CCDC192: variants seen among roughly 807,000 people sequenced by gnomAD.
CCDC192 encodes coiled-coil domain containing 192.
rs948949680 is a variant in CCDC192 at position 127,716,896 on chromosome 5, G to C, written c.114+9136G>C. Among the ~76,000 whole-genome samples, 6 of 152,048 alleles carry C rather than the reference G, an allele frequency of 3.9e-5. 1 individual carries two copies. Among genetic ancestry groups the C allele is most frequent in the African/African-American group, 1.4e-4 (6 of 41,400 alleles). On this transcript the variant is annotated intron_variant, in intron 2 of 6. Transcript: ENST00000514853. ...TTTCCTTCTCTCCTTACTTTATAGG[G>C]GCCATCTCCAATAAGCCTTCTGCAG...
In CCDC192 at chr5:127,768,571, T is replaced by G. The variant is rs1381104883; in HGVS notation, c.222+14196T>G. Among the ~76,000 whole-genome samples, 3 of 152,218 alleles carry G rather than the reference T, an allele frequency of 2.0e-5. No individual in the cohort carries two copies. The East Asian group carries it at 5.8e-4, about 29-fold the overall frequency. On this transcript the variant is annotated intron_variant, in intron 3 of 6. Transcript: ENST00000514853. Reference sequence around the variant, plus strand: ...TGTGAGATAATAAATTTTTGTTGTTTAAGCCACCCAGTTTGTGGTACTCTT... The same window carrying G: ...TGTGAGATAATAAATTTTTGTTGTTGAAGCCACCCAGTTTGTGGTACTCTT...
intron 2 of CCDC192, among the ~76,000 whole-genome samples, chr5:127,750,346 T>C (rs927074484): frequency 6.6e-5 from 10 of 152,340 alleles, no homozygotes; most frequent in Admixed American, 3.9e-4. Context: ...AGAACATCTT[T>C]ATTTCTGCCT....
intron 2 of CCDC192, among the ~76,000 whole-genome samples, chr5:127,709,102 GGAGAGA>G (rs540628735): frequency 1.7e-5 from 1 of 57,360 alleles, no homozygotes; most frequent in African/African-American, 6.9e-5. Flanking sequence ...AGTGGGAGCA[GGAGAGA>G]GAGAGAGAGA....
At chr5:127,743,101 G>GA (rs2126844689) in intron 2 of CCDC192, among the ~76,000 whole-genome samples, 1 of 152,138 alleles carries the variant, frequency 6.6e-6, no homozygotes, top group East Asian at 1.9e-4. Flanking sequence ...ACAGACAGGA[G>GA]AAGAGGGGAT....
intron 5 of CCDC192, among the ~76,000 whole-genome samples, chr5:127,803,169 A>G (rs1191554632): frequency 1.3e-5 from 2 of 152,214 alleles, no homozygotes; most frequent in Non-Finnish European, 1.5e-5. Flanking sequence ...GTTGAATAAT[A>G]TGATTGTTTA....
intron 3 of CCDC192, among the ~76,000 whole-genome samples, chr5:127,755,837 C>T (rs1253750431): frequency 6.6e-6 from 1 of 150,820 alleles, no homozygotes; most frequent in Non-Finnish European, 1.5e-5. Context: ...AATGATTTCT[C>T]GTTTGAATCA....
chr5:127,819,456 A>G (rs1749186185), intron 5 of CCDC192, among the ~76,000 whole-genome samples: 1 of 152,092 alleles, frequency 6.6e-6, no homozygotes, highest in Non-Finnish European at 1.5e-5. Context: ...TTGAGATTGT[A>G]GGGAGGTTGC....
At chr5:127,705,220 T>C (rs1750896464) in intron 1 of CCDC192, among the ~76,000 whole-genome samples, 1 of 152,208 alleles carries the variant, frequency 6.6e-6, no homozygotes, top group Non-Finnish European at 1.5e-5. Flanking sequence ...TGACTTCTCC[T>C]GTGTATGCTG....
intron 6 of CCDC192, among the ~76,000 whole-genome samples, chr5:127,925,710 C>T (rs934981435): frequency 6.6e-6 from 1 of 152,192 alleles, no homozygotes; most frequent in African/African-American, 2.4e-5. Context: ...GGCCCTCCCA[C>T]GTCGACATTA....
At chr5:127,874,050 C>A (rs757120052) in intron 5 of CCDC192, among the ~76,000 whole-genome samples, 1 of 152,144 alleles carries the variant, frequency 6.6e-6, no homozygotes, top group Non-Finnish European at 1.5e-5. Flanking sequence ...GACTTGGAGG[C>A]AGAGACTATC....
At chr5:127,794,887 C>T (rs2126962934) in intron 3 of CCDC192, among the ~76,000 whole-genome samples, 2 of 152,222 alleles carry the variant, frequency 1.3e-5, no homozygotes, top group South Asian at 4.2e-4. Context: ...GAGGAGTTTT[C>T]TCTGAACATT....
intron 5 of CCDC192, among the ~76,000 whole-genome samples, chr5:127,852,502 A>G (rs1330944403): frequency 6.6e-6 from 1 of 152,180 alleles, no homozygotes; most frequent in South Asian, 2.1e-4. Context: ...CAGAGCCACA[A>G]ACTTCTGTGG....
At chr5:127,808,639 C>T (rs1273186989) in intron 5 of CCDC192, among the ~76,000 whole-genome samples, 1 of 152,156 alleles carries the variant, frequency 6.6e-6, no homozygotes, top group East Asian at 1.9e-4. Context: ...GAGTCTTTCC[C>T]TCTGCTCCAT....
intron 6 of CCDC192, among the ~76,000 whole-genome samples, chr5:127,907,018 G>A (rs1411914255): frequency 6.6e-6 from 1 of 151,846 alleles, no homozygotes; most frequent in Non-Finnish European, 1.5e-5. Flanking sequence ...AGGGTTCTTT[G>A]GTTTTTGTTT....
intron 5 of CCDC192, among the ~76,000 whole-genome samples, chr5:127,843,804 G>C (rs1166978882): frequency 6.6e-6 from 1 of 152,166 alleles, no homozygotes; most frequent in Non-Finnish European, 1.5e-5. Flanking sequence ...AAGGTCTGCA[G>C]GTTTTCATGT....
intron 6 of CCDC192, among the ~76,000 whole-genome samples, chr5:127,885,184 TG>T (rs1752519732): frequency 6.6e-6 from 1 of 152,092 alleles, no homozygotes; most frequent in Admixed American, 6.6e-5. Context: ...ACCAGCTAAA[TG>T]TCAGACAAAG....
intron 3 of CCDC192, chr5:127,785,928 A>G: frequency 2.2e-6 from 1 of 449,764 alleles, no homozygotes; most frequent in Non-Finnish European, 4.2e-6. Context: ...TGCATTTTTT[A>G]TGAAGGTCAA....
At chr5:127,908,326 C>T (rs764373189) in intron 6 of CCDC192, among the ~76,000 whole-genome samples, 1 of 152,148 alleles carries the variant, frequency 6.6e-6, no homozygotes, top group Non-Finnish European at 1.5e-5. Context: ...AGTTTCTCCC[C>T]TTAGGAATTT....
intron 2 of CCDC192, among the ~76,000 whole-genome samples, chr5:127,738,932 C>G (rs1028875179): frequency 8.0e-4 from 121 of 151,950 alleles, no homozygotes; most frequent in African/African-American, 2.8e-3. Context: ...CTCAGCTCGT[C>G]AAAGTCATTC....
Sources: gnomAD v4.1 joint callset for allele counts (sites outside exome capture counted in the v4.1 genomes callset) on GRCh38, gnomAD v4.1.1 for gene constraint, MANE v1.5 for transcripts, NCBI Gene and HGNC (gene_info 2026-07-23, HGNC 2026-07-21) for gene names.